CACNA1F: variants seen among roughly 807,000 people sequenced by gnomAD.
The protein encoded by CACNA1F is voltage-dependent L-type calcium channel subunit alpha-1F.
A neutral mutation model predicts 143.8 loss-of-function variants in CACNA1F; 59 were observed. The ratio of observed to expected loss-of-function variants is 0.41; its 90% confidence interval spans 0.33 to 0.51. CACNA1F has a LOEUF of 0.51. Among genes scored for constraint, CACNA1F ranks in the 20% least tolerant of loss-of-function variants. The pLI, the probability that CACNA1F is intolerant of heterozygous loss-of-function variation, is 0.22. For synonymous variants in CACNA1F, 643 were observed against 649.1 expected, an observed-to-expected ratio of 0.99 and a Z score of 0.14; for missense variants, 1,411 against 1,647.5, an observed-to-expected ratio of 0.86 and a Z score of 2.48.
chrX:49,205,908 C>A, intron 46 of CACNA1F, 95 bp from the exon 47 acceptor site: 1 of 765,873 alleles, frequency 1.3e-6, no homozygotes, highest in Non-Finnish European at 1.9e-6. Flanking sequence ...CCTCAGTATA[C>A]AACTGGAGTG....
At chrX:49,226,122 G>C in intron 12 of CACNA1F, 53 bp from the exon 13 acceptor site, 1 of 1,158,066 alleles carries the variant, frequency 8.6e-7, no homozygotes, top group Non-Finnish European at 1.2e-6. Context: ...CCTGCCCTGG[G>C]GGGCTCAGGT....
At chrX:49,206,095 C>T (rs781961793) in intron 46 of CACNA1F, among the ~76,000 whole-genome samples, 64 of 111,157 alleles carry the variant, frequency 5.8e-4, no homozygotes, top group African/African-American at 2.0e-3. Flanking sequence ...GTGTCCTGTT[C>T]TTCAGAAGGC....
rs181519805 is a variant in CACNA1F, at chrX:49,210,414, G to A, written c.4486-11C>T. The A allele has an allele frequency of 1.3e-5, 15 of 1,161,118 alleles. No homozygotes were observed. The Admixed American group carries it at 3.1e-4, about 24-fold the overall frequency. On this transcript the variant is annotated splice_polypyrimidine_tract_variant and intron_variant, in intron 38 of 47. Transcript: ENST00000323022. ...CATTGCCACAAGTCTCTGCAAACAC[G>A]AGAGACATGAAACCCACTCTGGGAA...
rs1244091567 is a variant in CACNA1F at position 49,221,074 on chromosome X, C to T, written c.2295G>A (p.Lys765=). The T allele has an allele frequency of 1.7e-6, 2 of 1,208,343 alleles. No homozygotes were observed. The highest frequency in any genetic ancestry group is 3.0e-5 in the East Asian group (1 of 33,861). The part of the protein sequence containing the change: ...AGTAKDKGGE[K]SNEKDLPQEN... Reference sequence around the variant, plus strand: ...CCTGTGGGAGATCCTTCTCATTGCTCTTCTCCCTGTGCGAGGAAATAGGGG... The same window carrying T: ...CCTGTGGGAGATCCTTCTCATTGCTTTTCTCCCTGTGCGAGGAAATAGGGG... Residue 765 remains lysine (K), a synonymous_variant, in exon 18 of 48, where the codon AAG becomes AAA. Transcript: ENST00000323022.
At chrX:49,227,419 G>A (rs2065837395) in intron 8 of CACNA1F, among the ~76,000 whole-genome samples, 1 of 111,473 alleles carries the variant, frequency 9.0e-6, no homozygotes, top group Admixed American at 9.5e-5. Flanking sequence ...CGACCTCCTG[G>A]GCTCAAGCGA....
intron 32 of CACNA1F, 80 bp from the exon 33 acceptor site, chrX:49,212,875 G>C (rs1456486270): frequency 2.0e-5 from 24 of 1,171,534 alleles, no homozygotes; most frequent in Non-Finnish European, 2.8e-5. Flanking sequence ...GGCCCTCCCA[G>C]TACCCAAATC....
chrX:49,222,897 G>GC, intron 15 of CACNA1F, 32 bp downstream of exon 15: 1 of 500,035 alleles, frequency 2.0e-6, no homozygotes. Flanking sequence ...GGGTCTCCCC[G>GC]ACCCACCCAT....
chrX:49,226,886 G>T, intron 9 of CACNA1F, 84 bp downstream of exon 9: 1 of 1,160,304 alleles, frequency 8.6e-7, no homozygotes. Flanking sequence ...TCTCAGGAGG[G>T]CAGACCACAT....
intron 43 of CACNA1F, 100 bp downstream of exon 43, chrX:49,208,415 T>TCCCCC: frequency 4.3e-5 from 6 of 138,726 alleles, no homozygotes; most frequent in Admixed American, 8.0e-5. Context: ...CTCTAGGCCC[T>TCCCCC]CCCTCCCACC....
Position 49,211,342 on chromosome X carries a change from A to G in CACNA1F, c.4240T>C (p.Phe1414Leu). Residue 1414 changes from phenylalanine (F) to leucine (L), a missense_variant, in exon 36 of 48, where the codon TTC (phenylalanine) becomes CTC (leucine). Coordinates refer to ENST00000323022, the MANE Select transcript of CACNA1F (RefSeq NM_001256789.3). ...CTCACCAGGAAGGCACAGAGCATGAAGAAGCTGATGAAATAGGCGATGGCA... is the reference window on the plus strand; with the variant it reads ...CTCACCAGGAAGGCACAGAGCATGAGGAAGCTGATGAAATAGGCGATGGCA... ...NFAIAYFISFFMLCAFLIINL... is the reference protein window; with the variant it reads ...NFAIAYFISFLMLCAFLIINL... The G allele has an allele frequency of 8.3e-7, 1 of 1,211,460 alleles. No individual in the cohort carries two copies. The highest frequency in any genetic ancestry group is 1.1e-6 in the Non-Finnish European group (1 of 895,202).
At position 49,211,311 on chromosome X, in the gene CACNA1F, A is replaced by G. The variant is rs2065655588; in HGVS notation, c.4260+11T>C. 1.7e-6 allele frequency: 2 copies of G among 1,210,738 alleles called. No individual in the cohort carries two copies. Among genetic ancestry groups the G allele is most frequent in the South Asian group, 3.5e-5 (2 of 56,962 alleles). On this transcript the variant is annotated intron_variant, in intron 36 of 47. Transcript: ENST00000323022. ...TGACGGTGGTGGTGGTTGTGAGGAAATGGTTCTCACCAGGAAGGCACAGAG... is the reference window on the plus strand; with the variant it reads ...TGACGGTGGTGGTGGTTGTGAGGAAGTGGTTCTCACCAGGAAGGCACAGAG...
In CACNA1F at chrX:49,226,076, G is replaced by A. The variant is rs782709752; in HGVS notation, c.1491-7C>T. On this transcript the variant is annotated splice_region_variant and splice_polypyrimidine_tract_variant and intron_variant, in intron 12 of 47. Coordinates refer to ENST00000323022, the MANE Select transcript of CACNA1F (RefSeq NM_001256789.3). ...GGCTCGGCGGAGGCGGCGGCTGGGG[G>A]AAGGGGAGCCCACAGGCTGAGATCA... 42 of 1,192,351 alleles carry A rather than the reference G, an allele frequency of 3.5e-5. No individual in the cohort carries two copies. The highest frequency in any genetic ancestry group is 2.3e-4 in the Middle Eastern group (1 of 4,307).
intron 1 of CACNA1F, among the ~76,000 whole-genome samples, chrX:49,232,810 CTTTTGT>C (rs2065890347): frequency 9.1e-6 from 1 of 109,819 alleles, no homozygotes; most frequent in Admixed American, 9.8e-5. Flanking sequence ...CTCTTTCTCT[CTTTTGT>C]TTTTGTTTTT....
At chrX:49,219,251 C>T (rs1557108215) in intron 21 of CACNA1F, 70 bp downstream of exon 21, 1 of 1,115,736 alleles carries the variant, frequency 9.0e-7, no homozygotes, top group Non-Finnish European at 1.2e-6. Context: ...TCCACCCTGA[C>T]CCAGCTTGTG....
intron 37 of CACNA1F, 105 bp downstream of exon 37, chrX:49,210,860 A>G: frequency 3.1e-6 from 3 of 958,423 alleles, no homozygotes; most frequent in East Asian, 6.6e-5. Context: ...TGGGGCATCT[A>G]TTGACTGGGT....
At chrX:49,230,195 G>A in intron 6 of CACNA1F, 25 bp downstream of exon 6, 1 of 1,185,242 alleles carries the variant, frequency 8.4e-7, no homozygotes, top group Non-Finnish European at 1.1e-6. Flanking sequence ...GGCATGTTCT[G>A]CCTAGGAGGG....
chrX:49,226,067 C>A lies in CACNA1F; in HGVS notation c.1493G>T (p.Arg498Leu). 8.4e-7 allele frequency: 1 copy of A among 1,189,277 alleles called. No individual in the cohort carries two copies. Among genetic ancestry groups the A allele is most frequent in the Non-Finnish European group, 1.1e-6 (1 of 884,015 alleles). Residue 498 changes from arginine (R) to leucine (L), a missense_variant and splice_region_variant, in exon 13 of 48, where the codon CGC becomes CTC. Physicochemically the swap from Arg to Leu is moderately radical, Grantham distance 102. Around this residue, in one of 3 missense-constraint regions of CACNA1F, gnomAD observed 950 missense variants for 1,128.1 expected, o/e 0.84. Transcript: ENST00000323022. ...GACCCGGTTGGCTCGGCGGAGGCGGCGGCTGGGGGAAGGGGAGCCCACAGG... is the reference window on the plus strand; with the variant it reads ...GACCCGGTTGGCTCGGCGGAGGCGGAGGCTGGGGGAAGGGGAGCCCACAGG... ...LNKIMKTRVCRRLRRANRVLR... is the reference protein window; with the variant it reads ...LNKIMKTRVCLRLRRANRVLR...
chrX:49,227,954 A>G, intron 8 of CACNA1F, 82 bp downstream of exon 8: 1 of 639,131 alleles, frequency 1.6e-6, no homozygotes, highest in Non-Finnish European at 2.6e-6. Flanking sequence ...ATGGGTTTTG[A>G]AGGATGTCTA....
At chrX:49,220,900 C>T (rs1178473578) in intron 18 of CACNA1F, 135 bp downstream of exon 18, 5 of 577,164 alleles carry the variant, frequency 8.7e-6, no homozygotes, top group Non-Finnish European at 1.5e-5. Context: ...GATGGCACAA[C>T]TGCACTCCAG....
Sources: allele counts gnomAD v4.1 joint callset (sites outside exome capture counted in the v4.1 genomes callset), GRCh38; gene constraint gnomAD v4.1.1; regional missense constraint gnomAD v4.1.1; transcripts MANE v1.5; gene names NCBI Gene and HGNC (gene_info 2026-07-23, HGNC 2026-07-21).